The following BMAL1 variants were observed in gnomAD, a reference collection of about 807,000 sequenced individuals.
The protein encoded by BMAL1 is basic helix-loop-helix ARNT-like protein 1.
the BMAL1 span, among the ~76,000 whole-genome samples, chr11:13,308,471 T>A: frequency 4.6e-5 from 7 of 151,806 alleles, no homozygotes; most frequent in African/African-American, 1.5e-4. Context: ...AGAGAAGAGA[T>A]GAAAACAAGG....
the BMAL1 span, among the ~76,000 whole-genome samples, chr11:13,300,340 A>G: frequency 7.2e-5 from 11 of 152,232 alleles, 1 homozygote; most frequent in Admixed American, 5.9e-4. Context: ...GCTAATGGCA[A>G]TGGCCCAAGA....
the BMAL1 span, among the ~76,000 whole-genome samples, chr11:13,289,319 C>G: frequency 6.6e-6 from 1 of 152,136 alleles, no homozygotes; most frequent in East Asian, 1.9e-4. Flanking sequence ...GGGAATCTGG[C>G]GCTGTCCACC....
the BMAL1 span, among the ~76,000 whole-genome samples, chr11:13,291,126 T>C: frequency 6.6e-6 from 1 of 152,228 alleles, no homozygotes; most frequent in South Asian, 2.1e-4. Context: ...AACTGGTAGC[T>C]TGTAGTCTAC....
the BMAL1 span, among the ~76,000 whole-genome samples, chr11:13,306,705 G>A: frequency 7.2e-5 from 11 of 152,330 alleles, no homozygotes; most frequent in Non-Finnish European, 5.9e-5. Context: ...TACAGAAAAC[G>A]GCGTGATGGG....
the BMAL1 span, among the ~76,000 whole-genome samples, chr11:13,278,470 C>T: frequency 2.4e-3 from 365 of 152,346 alleles, 2 homozygotes; most frequent in Admixed American, 4.2e-3. Flanking sequence ...CGCTTCACTT[C>T]CCTTTCGGGA....
At chr11:13,360,545 T>C in the BMAL1 span, 1 of 779,052 alleles carries the variant, frequency 1.3e-6, no homozygotes, top group Middle Eastern at 2.7e-4. Context: ...GCTTCCTCTC[T>C]CAGGTCCCTC....
the BMAL1 span, chr11:13,386,645 A>G: frequency 6.2e-7 from 1 of 1,614,174 alleles, no homozygotes; most frequent in Non-Finnish European, 8.5e-7. Flanking sequence ...ACCAAGGATC[A>G]AGTAGTCCCA....
At chr11:13,288,429 T>TTTTTC in the BMAL1 span, among the ~76,000 whole-genome samples, 24,176 of 104,278 alleles carry the variant, frequency 0.23, 2,272 homozygotes, top group East Asian at 0.38. Context: ...TTTTTCTTTT[T>TTTTTC]TTTTTTTTTG....
At chr11:13,316,854 C>A in the BMAL1 span, among the ~76,000 whole-genome samples, 3 of 152,250 alleles carry the variant, frequency 2.0e-5, no homozygotes, top group African/African-American at 7.2e-5. Context: ...TAAAGTGTGG[C>A]TGGCCTCTAA....
the BMAL1 span, among the ~76,000 whole-genome samples, chr11:13,297,289 C>T: frequency 1.1e-4 from 16 of 152,324 alleles, no homozygotes; most frequent in South Asian, 3.1e-3. Context: ...TGAGACAAGA[C>T]AAGCCTGGAG....
At chr11:13,328,633 C>T in the BMAL1 span, among the ~76,000 whole-genome samples, 2 of 152,190 alleles carry the variant, frequency 1.3e-5, no homozygotes, top group Non-Finnish European at 2.9e-5. Flanking sequence ...TGCCAGTGTC[C>T]TCTGTAGATG....
At chr11:13,375,872 C>T in the BMAL1 span, 2 of 1,077,468 alleles carry the variant, frequency 1.9e-6, no homozygotes, top group South Asian at 2.1e-5. Flanking sequence ...CCTTTAATGC[C>T]ATCTTGCTAA....
the BMAL1 span, among the ~76,000 whole-genome samples, chr11:13,337,136 CCTTT>C: frequency 6.6e-6 from 1 of 152,164 alleles, no homozygotes; most frequent in African/African-American, 2.4e-5. Flanking sequence ...TCCTTTCAGT[CCTTT>C]CTGTGTTTAT....
At chr11:13,360,614 C>G in the BMAL1 span, among the ~76,000 whole-genome samples, 1 of 152,108 alleles carries the variant, frequency 6.6e-6, no homozygotes, top group Non-Finnish European at 1.5e-5. Context: ...TTCTCCTCCT[C>G]TTTTAACCTC....
chr11:13,347,060 C>G, the BMAL1 span, among the ~76,000 whole-genome samples: 1 of 152,162 alleles, frequency 6.6e-6, no homozygotes, highest in South Asian at 2.1e-4. Context: ...GTAAGTGTCA[C>G]AACTGGTTTA....
chr11:13,360,218 TA>T, the BMAL1 span: 1 of 770,944 alleles, frequency 1.3e-6, no homozygotes, highest in South Asian at 1.8e-5. Context: ...AGTTAAGGCC[TA>T]AACAATAAAA....
chr11:13,295,676 C>T, the BMAL1 span, among the ~76,000 whole-genome samples: 1 of 152,208 alleles, frequency 6.6e-6, no homozygotes, highest in East Asian at 1.9e-4. Context: ...CTCTGTACTT[C>T]CCCAGGTGAA....
the BMAL1 span, among the ~76,000 whole-genome samples, chr11:13,303,762 C>T: frequency 6.6e-6 from 1 of 152,176 alleles, no homozygotes; most frequent in Non-Finnish European, 1.5e-5. Flanking sequence ...CTGGAGGAAG[C>T]ATACCTCCCT....
At chr11:13,304,094 C>T in the BMAL1 span, among the ~76,000 whole-genome samples, 29 of 152,058 alleles carry the variant, frequency 1.9e-4, no homozygotes, top group Non-Finnish European at 1.9e-4. Flanking sequence ...TTGGGAATGA[C>T]AAGCAGAGCC....
Sources: gnomAD v4.1 joint callset for allele counts (sites outside exome capture counted in the v4.1 genomes callset) on GRCh38, gnomAD v4.1.1 for gene constraint, MANE v1.5 for transcripts, NCBI Gene and HGNC (gene_info 2026-07-23, HGNC 2026-07-21) for gene names.